TRPC5: variants seen among roughly 807,000 people sequenced by gnomAD.
The protein encoded by TRPC5 is transient receptor potential cation channel subfamily C member 5.
In TRPC5, 9 loss-of-function variants were observed where a neutral mutation model predicts 56.5. The observed-to-expected ratio is 0.16, with a 90% CI of 0.10 to 0.28. The LOEUF is 0.28. Among genes scored for constraint, TRPC5 ranks in the 10% least tolerant of loss-of-function variants. The pLI is 1.00. For synonymous variants in TRPC5, 282 were observed against 278.5 expected (o/e 1.01, Z -0.13); for missense variants, 469 against 748.9 (o/e 0.63, Z 4.36).
At chrX:111,962,392 A>C (rs764374920) in intron 1 of TRPC5, among the ~76,000 whole-genome samples, 5 of 112,311 alleles carry the variant, frequency 4.5e-5, no homozygotes, top group Non-Finnish European at 7.5e-5. Context: ...AAGATGTTCC[A>C]ATAGATGATA....
At chrX:112,004,273 C>G (rs1209216467) in intron 1 of TRPC5, among the ~76,000 whole-genome samples, 1 of 109,490 alleles carries the variant, frequency 9.1e-6, no homozygotes, top group African/African-American at 3.5e-5. Flanking sequence ...GACCGGAGGG[C>G]ATAAGAGTCT....
chrX:112,069,424 CT>C (rs1386603826), intron 1 of TRPC5, among the ~76,000 whole-genome samples: 4 of 111,767 alleles, frequency 3.6e-5, no homozygotes, highest in African/African-American at 1.3e-4. Flanking sequence ...GGAATGCATA[CT>C]TGTCTGAGTC....
At chrX:111,948,149 G>T (rs191387996) in intron 2 of TRPC5, among the ~76,000 whole-genome samples, 1 of 111,335 alleles carries the variant, frequency 9.0e-6, no homozygotes, top group African/African-American at 3.3e-5. Context: ...CTACTTTTTG[G>T]AAAGTGTTGA....
chrX:111,868,998 A>G (rs980912397), intron 3 of TRPC5, among the ~76,000 whole-genome samples: 1 of 111,973 alleles, frequency 8.9e-6, no homozygotes. Context: ...TTAGTTGCCA[A>G]TCAAGCTGGG....
intron 2 of TRPC5, among the ~76,000 whole-genome samples, chrX:111,920,608 A>G (rs1286087778): frequency 1.8e-5 from 2 of 111,541 alleles, no homozygotes; most frequent in Non-Finnish European, 3.8e-5. Context: ...TTGAAAAAAA[A>G]AATCCATACA....
At chrX:112,034,016 G>A (rs1929658019) in intron 1 of TRPC5, among the ~76,000 whole-genome samples, 1 of 112,279 alleles carries the variant, frequency 8.9e-6, no homozygotes. Flanking sequence ...TACCACATTA[G>A]TTTTTAGGAC....
rs1017996629 is a variant in TRPC5 at position 111,776,218 on chromosome X, C to CA, written c.*94dup. ...GAGTTTCACTCTCCTTTCTGGGGGGCAGGGGCAGTGAGGGAATCATATTCT... is the reference window on the plus strand; with the variant it reads ...GAGTTTCACTCTCCTTTCTGGGGGGCAAGGGGCAGTGAGGGAATCATATTCT... On this transcript the variant is annotated 3_prime_UTR_variant, in exon 11 of 11. Transcript: ENST00000262839. 5.8e-5 allele frequency: 49 copies of CA among 845,449 alleles called. No homozygotes were observed. The highest frequency in any genetic ancestry group is 9.8e-6 in the Non-Finnish European group (6 of 615,011). The allele number at this position is 845,449 out of a possible 1,213,427, so 69.7% of individuals were successfully genotyped here.
intron 1 of TRPC5, among the ~76,000 whole-genome samples, chrX:111,973,995 G>GA (rs1321742811): frequency 1.8e-5 from 2 of 111,879 alleles, no homozygotes; most frequent in Non-Finnish European, 3.8e-5. Context: ...AAGAAGTGAT[G>GA]AGGAAAATAT....
chrX:111,905,514 A>G (rs1350060944), intron 3 of TRPC5, among the ~76,000 whole-genome samples: 1 of 112,319 alleles, frequency 8.9e-6, no homozygotes, highest in Non-Finnish European at 1.9e-5. Flanking sequence ...TAATCCTTGG[A>G]GGTGACTGCC....
At chrX:111,831,140 C>G (rs779157228) in intron 7 of TRPC5, among the ~76,000 whole-genome samples, 1 of 112,564 alleles carries the variant, frequency 8.9e-6, no homozygotes, top group East Asian at 2.8e-4. Context: ...ATTCTAGCAG[C>G]TGTTCCAAAT....
intron 1 of TRPC5, among the ~76,000 whole-genome samples, chrX:112,010,296 A>G (rs965123839): frequency 5.3e-5 from 6 of 112,262 alleles, no homozygotes; most frequent in Non-Finnish European, 1.1e-4. Flanking sequence ...TCTCCCACTT[A>G]GCAGCTCTGT....
At chrX:111,903,745 G>T (rs1925478003) in intron 3 of TRPC5, 1 of 111,886 alleles carries the variant, frequency 8.9e-6, no homozygotes, top group Admixed American at 9.5e-5. Flanking sequence ...CAAGCTTAAA[G>T]GTGTGAAAAT....
chrX:111,949,258 C>T (rs144351120), intron 2 of TRPC5, among the ~76,000 whole-genome samples: 1 of 111,887 alleles, frequency 8.9e-6, no homozygotes, highest in African/African-American at 3.3e-5. Flanking sequence ...TTGGAAAAAC[C>T]CTTCTAGGTA....
At chrX:111,788,634 G>T (rs995008194) in intron 7 of TRPC5, among the ~76,000 whole-genome samples, 1 of 111,812 alleles carries the variant, frequency 8.9e-6, no homozygotes, top group Non-Finnish European at 1.9e-5. Flanking sequence ...GTCCCTGTTT[G>T]CAGATGACAT....
intron 1 of TRPC5, among the ~76,000 whole-genome samples, chrX:112,079,192 AGGAACCTTT>A (rs1930906110): frequency 8.9e-6 from 1 of 112,187 alleles, no homozygotes; most frequent in Non-Finnish European, 1.9e-5. Flanking sequence ...AGGTGAAAAC[AGGAACCTTT>A]GGCAGAAGTA....
intron 7 of TRPC5, among the ~76,000 whole-genome samples, chrX:111,784,868 A>C (rs188333269): frequency 8.9e-6 from 1 of 112,048 alleles, no homozygotes; most frequent in East Asian, 2.8e-4. Flanking sequence ...TGGCTGGGGG[A>C]GGGGGGTCCA....
intron 1 of TRPC5, among the ~76,000 whole-genome samples, chrX:111,977,013 T>C (rs1268052379): frequency 9.0e-6 from 1 of 111,424 alleles, no homozygotes; most frequent in Non-Finnish European, 1.9e-5. Flanking sequence ...ATAAATGAGA[T>C]GAGATCCCAA....
rs140598368 is a variant in TRPC5 at position 111,786,671 on chromosome X, T to C, written c.1897-4533A>G. 7.4e-4 allele frequency among the ~76,000 whole-genome samples: 82 copies of C among 110,070 alleles called. No individual in the cohort carries two copies. The East Asian group carries it at 0.023, about 30-fold the overall frequency. Reference sequence around the variant, plus strand: ...GAGTGTGCTGTATTCAGGAGACCCATCTCACATGCAGAGATGCACATAGGC... The same window carrying C: ...GAGTGTGCTGTATTCAGGAGACCCACCTCACATGCAGAGATGCACATAGGC... On this transcript the variant is annotated intron_variant, in intron 7 of 10. Transcript: ENST00000262839.
intron 3 of TRPC5, among the ~76,000 whole-genome samples, chrX:111,905,755 A>C (rs1479039676): frequency 3.7e-5 from 4 of 109,455 alleles, no homozygotes; most frequent in Non-Finnish European, 5.7e-5. Flanking sequence ...TCTACTAAAA[A>C]TACAAAAAAA....
Sources: allele counts gnomAD v4.1 joint callset (sites outside exome capture counted in the v4.1 genomes callset), GRCh38; gene constraint gnomAD v4.1.1; transcripts MANE v1.5; gene names NCBI Gene and HGNC (gene_info 2026-07-23, HGNC 2026-07-21).